The following CEP63 variants were observed in gnomAD, a reference collection of about 807,000 sequenced individuals.
The protein encoded by CEP63 is centrosomal protein 63.
CEP63 carries 84 observed loss-of-function variants against 89.1 expected under a neutral mutation model. The observed-to-expected ratio is 0.94, with a 90% CI of 0.79 to 1.13. The LOEUF is 1.13. Among genes scored for constraint, CEP63 ranks in the 50% most tolerant of loss-of-function variants. The pLI is 0.00. For missense variants in CEP63, 838 were observed against 813.3 expected (o/e 1.03, Z -0.37); for synonymous variants, 267 against 272.5 (o/e 0.98, Z 0.20).
chr3:134,720,781 G>A, the CEP63 span, among the ~76,000 whole-genome samples: 1 of 152,014 alleles, frequency 6.6e-6, no homozygotes, highest in Non-Finnish European at 1.5e-5. Flanking sequence ...AAAATTGATT[G>A]ACCATAAATA....
At chr3:134,608,129 C>A in the CEP63 span, 4 of 1,129,948 alleles carry the variant, frequency 3.5e-6, no homozygotes, top group South Asian at 2.1e-5. Context: ...CTGGTTGGAC[C>A]ACCAACACCC....
chr3:134,604,929 A>G, the CEP63 span, among the ~76,000 whole-genome samples: 1 of 152,104 alleles, frequency 6.6e-6, no homozygotes, highest in Non-Finnish European at 1.5e-5. Context: ...ATGTCAACGC[A>G]TTGTCCTTAA....
At position 134,527,217 on chromosome 3, in the gene CEP63, G is replaced by T. The variant is rs80314591; in HGVS notation, c.223-4628G>T. Among the ~76,000 whole-genome samples, 518 of 152,332 alleles carry T rather than the reference G, an allele frequency of 3.4e-3. 7 individuals carry two copies. Among genetic ancestry groups the T allele is most frequent in the African/African-American group, 0.012 (500 of 41,572 alleles). ...ACAGTGGAGGAGGCAACACAGCTGGGAGGTGAGCGGGGACCCCTGCTGGCG... is the reference window on the plus strand; with the variant it reads ...ACAGTGGAGGAGGCAACACAGCTGGTAGGTGAGCGGGGACCCCTGCTGGCG... On this transcript the variant is annotated intron_variant, in intron 3 of 14. Coordinates refer to ENST00000675561, the MANE Select transcript of CEP63 (RefSeq NM_001353108.3).
the CEP63 span, chr3:134,620,622 G>C: frequency 1.5e-6 from 1 of 670,688 alleles, no homozygotes; most frequent in Non-Finnish European, 2.7e-6. Flanking sequence ...CATCAGTCCA[G>C]TCTTCTGGGT....
the CEP63 span, chr3:134,608,413 T>G: frequency 6.7e-7 from 1 of 1,485,462 alleles, no homozygotes; most frequent in South Asian, 1.2e-5. Context: ...TTTATGCTAG[T>G]GTGAGTGAGC....
the CEP63 span, among the ~76,000 whole-genome samples, chr3:134,667,038 G>A: frequency 1.2e-4 from 18 of 152,124 alleles, no homozygotes; most frequent in African/African-American, 4.3e-4. Context: ...TCAGCTCTGG[G>A]CTCCTCCCCC....
In CEP63 at chr3:134,537,193, C is replaced by G; in HGVS notation, c.480C>G (p.Arg160=). 6.2e-7 allele frequency: 1 copy of G among 1,613,982 alleles called. No homozygotes were observed. Among genetic ancestry groups the G allele is most frequent in the African/African-American group, 1.3e-5 (1 of 75,042 alleles). ...AATCGCTGGACTGGGAGAAGCAACGCTTGATTTATCAGCAACAGGTATCTT... is the reference window on the plus strand; with the variant it reads ...AATCGCTGGACTGGGAGAAGCAACGGTTGATTTATCAGCAACAGGTATCTT... ...RQKSLDWEKQ[R]LIYQQQVSSL... The change falls in exon 6 of 15, where the codon CGC becomes CGG. Residue 160 remains arginine (R), a synonymous_variant. Coordinates refer to ENST00000675561, the MANE Select transcript of CEP63 (RefSeq NM_001353108.3).
rs76128432 is a variant in CEP63, at chr3:134,526,486, C to G, written c.223-5359C>G. On this transcript the variant is annotated intron_variant, in intron 3 of 14. Transcript: ENST00000675561. ...TTCTTCTCTATACTGCCGATTTTGT[C>G]TGTCAGTTCCTGCATTGTTTTATCA... is the stretch of plus-strand genomic sequence containing the variant. Among the ~76,000 whole-genome samples, 830 of 152,232 alleles carry G rather than the reference C, an allele frequency of 5.5e-3. 7 individuals carry two copies. Among genetic ancestry groups the G allele is most frequent in the African/African-American group, 0.019 (773 of 41,518 alleles).
At chr3:134,611,462 T>G in the CEP63 span, among the ~76,000 whole-genome samples, 4 of 152,228 alleles carry the variant, frequency 2.6e-5, no homozygotes, top group East Asian at 7.7e-4. Context: ...GCAGACAATT[T>G]CACTGCTAGT....
intron 8 of CEP63, among the ~76,000 whole-genome samples, chr3:134,547,053 G>A (rs1398810199): frequency 6.6e-6 from 1 of 151,992 alleles, no homozygotes; most frequent in Non-Finnish European, 1.5e-5. Flanking sequence ...AGTTTTTTTG[G>A]TACAGGGTTT....
chr3:134,613,360 G>A, the CEP63 span, among the ~76,000 whole-genome samples: 1 of 152,172 alleles, frequency 6.6e-6, no homozygotes. Context: ...AGGCAAGATT[G>A]GAAAAACCAA....
the CEP63 span, chr3:134,619,908 C>T: frequency 6.6e-6 from 1 of 152,652 alleles, no homozygotes; most frequent in Admixed American, 6.5e-5. Context: ...GGGATGGGAG[C>T]TGAGCTGGGG....
intron 13 of CEP63, 99 bp downstream of exon 13, chr3:134,558,446 C>T (rs1956699881): frequency 1.2e-6 from 1 of 860,108 alleles, no homozygotes; most frequent in Non-Finnish European, 1.9e-6. Context: ...AAATCTTCAT[C>T]AAAGGACTCT....
chr3:134,610,869 G>C, the CEP63 span, among the ~76,000 whole-genome samples: 1 of 152,352 alleles, frequency 6.6e-6, no homozygotes, highest in African/African-American at 2.4e-5. Context: ...GATGGGTCTC[G>C]TGACATGGGT....
At chr3:134,765,456 C>T in the CEP63 span, among the ~76,000 whole-genome samples, 1 of 152,258 alleles carries the variant, frequency 6.6e-6, no homozygotes, top group East Asian at 1.9e-4. Flanking sequence ...GGCAGGGGCC[C>T]CAACACATCT....
chr3:134,595,698 C>A, the CEP63 span, among the ~76,000 whole-genome samples: 1 of 152,116 alleles, frequency 6.6e-6, no homozygotes, highest in Non-Finnish European at 1.5e-5. Context: ...TCTAGGTGGC[C>A]TTCTCATTCT....
chr3:134,558,112 TTAAG>T, intron 12 of CEP63, 26 bp from the exon 13 acceptor site: 1 of 1,558,760 alleles, frequency 6.4e-7, no homozygotes, highest in Non-Finnish European at 8.8e-7. Flanking sequence ...CTTGTACAGA[TTAAG>T]TGACTCTAGT....
chr3:134,749,236 C>G, the CEP63 span, among the ~76,000 whole-genome samples: 1 of 152,166 alleles, frequency 6.6e-6, no homozygotes, highest in Non-Finnish European at 1.5e-5. Flanking sequence ...GTTCCTGAAT[C>G]CATAGGTCTG....
downstream of CEP63, among the ~76,000 whole-genome samples, chr3:134,577,460 G>A (rs1209058553): frequency 4.5e-5 from 4 of 89,160 alleles, no homozygotes; most frequent in South Asian, 1.3e-3. Context: ...TTTTTGAGAT[G>A]GAGTCTGGCT....
Sources: allele counts gnomAD v4.1 joint callset (sites outside exome capture counted in the v4.1 genomes callset), GRCh38; gene constraint gnomAD v4.1.1; transcripts MANE v1.5; gene names NCBI Gene and HGNC (gene_info 2026-07-23, HGNC 2026-07-21).